Variants in GTF2A1L observed in about 807,000 individuals in gnomAD.
The protein encoded by GTF2A1L is TFIIA-alpha and beta-like factor.
GTF2A1L carries 48 observed loss-of-function variants against 49.7 expected under a neutral mutation model. The observed-to-expected ratio is 0.97, with a 90% CI of 0.77 to 1.23. The LOEUF is 1.23. GTF2A1L is among the 50% of genes most tolerant of loss of function. The pLI is 0.00. For synonymous variants in GTF2A1L, 246 were observed against 193.5 expected (o/e 1.27, Z -2.25); for missense variants, 736 against 564.8 (o/e 1.30, Z -3.07).
intron 6 of GTF2A1L, among the ~76,000 whole-genome samples, chr2:48,652,842 A>G (rs962182488): frequency 6.6e-6 from 1 of 150,956 alleles, no homozygotes; most frequent in Admixed American, 6.6e-5. Context: ...TTACAGGCCT[A>G]TGCCACCACG....
intron 8 of GTF2A1L, among the ~76,000 whole-genome samples, chr2:48,673,932 G>A (rs193204903): frequency 7.2e-5 from 11 of 152,230 alleles, no homozygotes; most frequent in African/African-American, 2.6e-4. Context: ...CTGGTTCAGG[G>A]GAGAAGGGTG....
rs1676477639 is a variant in GTF2A1L, at chr2:48,629,840, A to G, written c.247+8550A>G. On this transcript the variant is annotated intron_variant, in intron 3 of 8. Coordinates refer to ENST00000403751, the MANE Select transcript of GTF2A1L (RefSeq NM_006872.5). ...CTAGTTCATTCTTCTGCATATGGCT[A>G]CCAGTTGCCCCATCACCATTTATTG... 1.4e-5 allele frequency among the ~76,000 whole-genome samples: 2 copies of G among 144,442 alleles called. 1 individual carries two copies. The highest frequency in any genetic ancestry group is 3.1e-5 in the Non-Finnish European group (2 of 64,074). The allele number at this position is 144,442 out of a possible 152,430, so 94.8% of individuals were successfully genotyped here. A position where few individuals can be genotyped will look rare whatever the true frequency, so the allele number is the denominator to read the frequency against.
In GTF2A1L at chr2:48,642,438, G is replaced by C; in HGVS notation, c.284G>C (p.Ser95Thr). The C allele has an allele frequency of 6.3e-7, 1 of 1,593,004 alleles. No individual in the cohort carries two copies. The highest frequency in any genetic ancestry group is 8.6e-7 in the Non-Finnish European group (1 of 1,166,258). ...LVIPAGRTLP[S>T]FTTAELGTSN... ...ATTCCTGCTGGTAGAACTCTTCCAAGTTTTACCACAGCAGAACTGGTATGT... is the reference window on the plus strand; with the variant it reads ...ATTCCTGCTGGTAGAACTCTTCCAACTTTTACCACAGCAGAACTGGTATGT... Residue 95 changes from serine (S) to threonine (T), a missense_variant, in exon 4 of 9, where the codon AGT (serine) becomes ACT (threonine). Coordinates refer to ENST00000403751, the MANE Select transcript of GTF2A1L (RefSeq NM_006872.5).
chr2:48,623,885 G>A (rs546563735), intron 3 of GTF2A1L, among the ~76,000 whole-genome samples: 18 of 152,196 alleles, frequency 1.2e-4, no homozygotes, highest in African/African-American at 3.9e-4. Flanking sequence ...AGAAAGGTGC[G>A]AACACTGGGT....
intron 6 of GTF2A1L, among the ~76,000 whole-genome samples, chr2:48,656,799 T>C (rs1332115740): frequency 6.6e-6 from 1 of 152,202 alleles, no homozygotes; most frequent in African/African-American, 2.4e-5. Context: ...TTTCACCACC[T>C]GTTTTCCTCT....
At chr2:48,617,939 C>T (rs1675753627) in intron 1 of GTF2A1L, 44 bp downstream of exon 1, 3 of 1,547,122 alleles carry the variant, frequency 1.9e-6, no homozygotes, top group East Asian at 2.4e-5. Context: ...CGCCCTGGGA[C>T]TCCGGGTTCA....
chr2:48,679,095 A>G (rs541546941), intron 8 of GTF2A1L, among the ~76,000 whole-genome samples: 332 of 152,030 alleles, frequency 2.2e-3, no homozygotes, highest in African/African-American at 7.7e-3. Context: ...GTGTTTTTAT[A>G]TATAATATAT....
At chr2:48,674,737 T>C (rs1162699994) in intron 8 of GTF2A1L, among the ~76,000 whole-genome samples, 1 of 152,194 alleles carries the variant, frequency 6.6e-6, no homozygotes, top group Non-Finnish European at 1.5e-5. Flanking sequence ...ATGTGGGAGA[T>C]ACCTTGTAAT....
chr2:48,637,761 C>T (rs1020188742), intron 3 of GTF2A1L, among the ~76,000 whole-genome samples: 1 of 151,954 alleles, frequency 6.6e-6, no homozygotes, highest in Non-Finnish European at 1.5e-5. Flanking sequence ...CAAATAAACA[C>T]AATTAGAAAT....
chr2:48,624,076 A>G (rs1030187892), intron 3 of GTF2A1L, among the ~76,000 whole-genome samples: 1 of 145,890 alleles, frequency 6.9e-6, no homozygotes, highest in Non-Finnish European at 1.6e-5. Flanking sequence ...TGTTTGCTCT[A>G]TCATATGTTC....
At chr2:48,621,143 A>G (rs1391752945) in intron 2 of GTF2A1L, 24 bp from the exon 3 acceptor site, 4 of 1,594,334 alleles carry the variant, frequency 2.5e-6, no homozygotes, top group Non-Finnish European at 3.4e-6. Flanking sequence ...TTTTTAAAGT[A>G]AACTTTTTTT....
At chr2:48,637,427 G>A (rs1037785483) in intron 3 of GTF2A1L, among the ~76,000 whole-genome samples, 1 of 152,102 alleles carries the variant, frequency 6.6e-6, no homozygotes, top group Admixed American at 6.6e-5. Context: ...TATTTCTAAT[G>A]AGAACAAAGA....
At chr2:48,638,264 A>G (rs1053873052) in intron 3 of GTF2A1L, among the ~76,000 whole-genome samples, 1 of 152,232 alleles carries the variant, frequency 6.6e-6, no homozygotes, top group Admixed American at 6.5e-5. Flanking sequence ...AAAGCCTGGG[A>G]GAGACACAAC....
intron 6 of GTF2A1L, among the ~76,000 whole-genome samples, chr2:48,664,374 A>G (rs767884310): frequency 1.3e-5 from 2 of 151,858 alleles, no homozygotes; most frequent in East Asian, 3.9e-4. Context: ...TATTGAAATA[A>G]ATGGGTTTCC....
intron 6 of GTF2A1L, among the ~76,000 whole-genome samples, chr2:48,653,184 G>A (rs1677965323): frequency 7.2e-6 from 1 of 138,674 alleles, no homozygotes; most frequent in Non-Finnish European, 1.5e-5. Context: ...TTGCGCCACT[G>A]CACTCCAGCC....
At position 48,647,024 on chromosome 2, in the gene GTF2A1L, C is replaced by T; in HGVS notation, c.960C>T (p.Asn320=). 2 of 1,609,684 alleles carry T rather than the reference C, an allele frequency of 1.2e-6. No homozygotes were observed. The highest frequency in any genetic ancestry group is 1.7e-6 in the Non-Finnish European group (2 of 1,178,070). The change falls in exon 6 of 9, where the codon AAC becomes AAT. Residue 320 remains asparagine (N), a synonymous_variant. Coordinates refer to ENST00000403751, the MANE Select transcript of GTF2A1L (RefSeq NM_006872.5). ...KQPRNIEEPS[N]IPVSEKDSNS... ...CAAGAAATATAGAGGAACCCAGCAA[C>T]ATACCTGTATCAGAGAAGGTATAGT... is the stretch of plus-strand genomic sequence containing the variant.
chr2:48,619,492 TAATAAA>T (rs1189627102), intron 1 of GTF2A1L, among the ~76,000 whole-genome samples: 29 of 150,092 alleles, frequency 1.9e-4, no homozygotes, highest in African/African-American at 6.9e-4. Context: ...ATAATAATAA[TAATAAA>T]AAAAAAGCAC....
chr2:48,650,631 A>C (rs1030574144), intron 6 of GTF2A1L, among the ~76,000 whole-genome samples: 2 of 152,212 alleles, frequency 1.3e-5, no homozygotes, highest in African/African-American at 4.8e-5. Flanking sequence ...TGTGAAATTA[A>C]TATATCAAAA....
At chr2:48,665,036 C>G (rs1678736829) in intron 6 of GTF2A1L, among the ~76,000 whole-genome samples, 1 of 152,086 alleles carries the variant, frequency 6.6e-6, no homozygotes, top group Non-Finnish European at 1.5e-5. Context: ...ATTCTCGTGC[C>G]TCAGCCTCCC....
Sources: gnomAD v4.1 joint callset for allele counts (sites outside exome capture counted in the v4.1 genomes callset) on GRCh38, gnomAD v4.1.1 for gene constraint, MANE v1.5 for transcripts, NCBI Gene and HGNC (gene_info 2026-07-23, HGNC 2026-07-21) for gene names.